IRS1: variants seen among roughly 807,000 people sequenced by gnomAD.
IRS1 encodes insulin receptor substrate 1.
A neutral mutation model predicts 65.6 loss-of-function variants in IRS1; 34 were observed. The observed-to-expected ratio is 0.52, with a 90% confidence interval of 0.39 to 0.69. The LOEUF (loss-of-function observed/expected upper bound fraction) is 0.69. Ranked by LOEUF, IRS1 falls within the 30% of genes least tolerant of loss-of-function variation. The pLI is 0.00. For synonymous variants in IRS1, 699 were observed against 683.5 expected, an observed-to-expected ratio of 1.02 and a Z score of -0.35; for missense variants, 1,641 against 1,720.2, an observed-to-expected ratio of 0.95 and a Z score of 0.81.
At chr2:226,766,290 A>G (rs894086146) in intron 1 of IRS1, among the ~76,000 whole-genome samples, 2 of 148,306 alleles carry the variant, frequency 1.3e-5, no homozygotes, top group Non-Finnish European at 3.0e-5. Flanking sequence ...TAGCCTCCTG[A>G]GTAGCTAGGA....
At chr2:226,741,677 T>C (rs1229974886) in intron 1 of IRS1, among the ~76,000 whole-genome samples, 1 of 151,900 alleles carries the variant, frequency 6.6e-6, no homozygotes, top group Non-Finnish European at 1.5e-5. Context: ...TACACTTAAT[T>C]TACAGTACCA....
chr2:226,788,949 T>C (rs1208277860), intron 1 of IRS1, among the ~76,000 whole-genome samples: 1 of 152,186 alleles, frequency 6.6e-6, no homozygotes, highest in Non-Finnish European at 1.5e-5. Context: ...TCTATTATTT[T>C]ACATGCAAAA....
intron 1 of IRS1, among the ~76,000 whole-genome samples, chr2:226,785,702 T>C (rs1490665340): frequency 1.3e-5 from 2 of 152,206 alleles, no homozygotes; most frequent in African/African-American, 2.4e-5. Context: ...CCTATGCTTT[T>C]CCCCTTTCAC....
chr2:226,793,917 GC>G lies in IRS1; in HGVS notation c.*21+1071del, dbSNP rs1330428690. Reference sequence around the variant, plus strand: ...ACAAATGTTTTTCATTTTTAATACGGCATTAGCCACAGAAGACCTAAAGCCA... The same window carrying G: ...ACAAATGTTTTTCATTTTTAATACGGATTAGCCACAGAAGACCTAAAGCCA... On this transcript the variant is annotated intron_variant, in intron 1 of 1. Transcript: ENST00000305123. Among the ~76,000 whole-genome samples, 4 of 152,110 alleles carry G rather than the reference GC, an allele frequency of 2.6e-5. No homozygotes were observed. In the East Asian group the frequency reaches 5.8e-4, roughly 22 times the overall value.
In IRS1 at chr2:226,799,066, C is replaced by T; in HGVS notation, c.-328G>A. 1 of 1,291,724 alleles carries T rather than the reference C, an allele frequency of 7.7e-7. No homozygotes were observed. Among genetic ancestry groups the T allele is most frequent in the Non-Finnish European group, 9.9e-7 (1 of 1,005,186 alleles). The allele number at this position is 1,291,724 out of a possible 1,614,324, so 80.0% of individuals were successfully genotyped here. Reference sequence around the variant, plus strand: ...CCGCCACCAGGAAGGAGCGAAGATGCATCTCTCGTCGCCCCGGCTGGAGTC... The same window carrying T: ...CCGCCACCAGGAAGGAGCGAAGATGTATCTCTCGTCGCCCCGGCTGGAGTC... On this transcript the variant is annotated 5_prime_UTR_variant, in exon 1 of 2. An upstream start codon of the reference 5' UTR is lost. Transcript: ENST00000305123. The surrounding 1 kb of genome is among the most constrained non-coding windows in gnomAD (Gnocchi z 6.1).
At chr2:226,745,215 C>T (rs1487636150) in intron 1 of IRS1, among the ~76,000 whole-genome samples, 1 of 152,176 alleles carries the variant, frequency 6.6e-6, no homozygotes, top group Non-Finnish European at 1.5e-5. Flanking sequence ...AGGCAGGAAC[C>T]ATATTAATTA....
At chr2:226,739,735 T>G (rs967577381) in intron 1 of IRS1, among the ~76,000 whole-genome samples, 1 of 152,216 alleles carries the variant, frequency 6.6e-6, no homozygotes, top group African/African-American at 2.4e-5. Context: ...CATCTGTCTG[T>G]ATCTCCCTAG....
chr2:226,768,051 A>T (rs1939090436), intron 1 of IRS1, among the ~76,000 whole-genome samples: 1 of 152,128 alleles, frequency 6.6e-6, no homozygotes, highest in African/African-American at 2.4e-5. Flanking sequence ...GCTGCTCCAG[A>T]TGCACCGGAA....
intron 1 of IRS1, among the ~76,000 whole-genome samples, chr2:226,741,109 C>G (rs926226735): frequency 6.6e-6 from 1 of 152,154 alleles, no homozygotes; most frequent in Non-Finnish European, 1.5e-5. Context: ...AACCACTACT[C>G]AGCTGTGGTT....
chr2:226,738,178 G>A (rs2106156943), intron 1 of IRS1, among the ~76,000 whole-genome samples: 1 of 152,316 alleles, frequency 6.6e-6, no homozygotes, highest in Non-Finnish European at 1.5e-5. Context: ...TCACCTACAA[G>A]GATAGTGACA....
intron 1 of IRS1, among the ~76,000 whole-genome samples, chr2:226,783,564 T>C (rs904439111): frequency 4.6e-5 from 7 of 152,092 alleles, no homozygotes; most frequent in Non-Finnish European, 8.8e-5. Context: ...AGTGTTTGTG[T>C]TTTTCCAAAA....
At chr2:226,789,446 A>C (rs1246035338) in intron 1 of IRS1, among the ~76,000 whole-genome samples, 1 of 152,232 alleles carries the variant, frequency 6.6e-6, no homozygotes, top group Non-Finnish European at 1.5e-5. Context: ...AGCAAGAGAA[A>C]TATTGAGTTG....
At chr2:226,790,405 T>C (rs1346256674) in intron 1 of IRS1, among the ~76,000 whole-genome samples, 2 of 152,074 alleles carry the variant, frequency 1.3e-5, no homozygotes, top group African/African-American at 2.4e-5. Context: ...GGAGATAGTA[T>C]TTATTGAGGG....
At position 226,795,141 on chromosome 2, in the gene IRS1, GC is replaced by G; in HGVS notation, c.3597del (p.Gln1200SerfsTer27). ...TGAGGGGGTGGGGGTGGGGGAGGCT[GC>G]GGTTCAGGGGTGCACTCCTGAGGGC... ...KQCPQECTPE[P>X]QPPPPPPPHQ... On this transcript the variant is annotated frameshift_variant, in exon 1 of 2. Coordinates refer to ENST00000305123, the MANE Select transcript of IRS1 (RefSeq NM_005544.3). LOFTEE classifies it high-confidence loss of function. 1 of 1,613,224 alleles carries G rather than the reference GC, an allele frequency of 6.2e-7. No homozygotes were observed.
intron 1 of IRS1, among the ~76,000 whole-genome samples, chr2:226,777,178 A>G (rs1172374694): frequency 6.6e-6 from 1 of 152,208 alleles, no homozygotes; most frequent in African/African-American, 2.4e-5. Flanking sequence ...AATGTGTCAC[A>G]TTAGTTCATT....
Position 226,797,954 on chromosome 2 carries a change from T to A in IRS1, c.785A>T (p.Asp262Val). ...GCTCTTGCTGCGAGGGCGGAACTCA[T>A]CACTCATGGCCCGCATGGCCTCCAG... ...TILEAMRAMS[D>V]EFRPRSKSQS... The change falls in exon 1 of 2, where the codon GAT becomes GTT. Residue 262 changes from aspartate (D) to valine (V), a missense_variant. Coordinates refer to ENST00000305123, the MANE Select transcript of IRS1 (RefSeq NM_005544.3). The surrounding 1 kb of genome is among the most constrained non-coding windows in gnomAD (Gnocchi z 8.1). 1.2e-6 allele frequency: 2 copies of A among 1,614,070 alleles called. No homozygotes were observed. The highest frequency in any genetic ancestry group is 4.5e-5 in the East Asian group (2 of 44,862).
intron 1 of IRS1, among the ~76,000 whole-genome samples, chr2:226,754,442 A>G (rs1195171620): frequency 6.6e-6 from 1 of 152,232 alleles, no homozygotes; most frequent in Non-Finnish European, 1.5e-5. Flanking sequence ...GTTAATATGC[A>G]TTATTTCATT....
rs1411901697 is a variant in IRS1, at chr2:226,731,407, A to G, written c.*4865T>C. The stretch of plus-strand genomic sequence containing the variant: ...AATATTTACATCCATGAATTCATTT[A>G]GACAGTTTTCTTTAATTGATGATGA... On this transcript the variant is annotated 3_prime_UTR_variant, in exon 2 of 2. Transcript: ENST00000305123. 1 of 152,212 alleles carries G rather than the reference A, an allele frequency of 6.6e-6. No homozygotes were observed. The highest frequency in any genetic ancestry group is 6.5e-5 in the Admixed American group (1 of 15,282). 9.4% of individuals were successfully genotyped at this position (152,212 alleles called of 1,614,324 possible). A position where few individuals can be genotyped will look rare whatever the true frequency, so the allele number is the denominator to read the frequency against.
chr2:226,778,761 G>A (rs1483782649), intron 1 of IRS1, among the ~76,000 whole-genome samples: 1 of 152,150 alleles, frequency 6.6e-6, no homozygotes, highest in Admixed American at 6.5e-5. Context: ...CTTCTCTAGG[G>A]CTTCCCAGAT....
Sources: allele counts gnomAD v4.1 joint callset (sites outside exome capture counted in the v4.1 genomes callset), GRCh38; gene constraint gnomAD v4.1.1; non-coding constraint Gnocchi (gnomAD v3.1); transcripts MANE v1.5; gene names NCBI Gene and HGNC (gene_info 2026-07-23, HGNC 2026-07-21).